The following PTK2 variants were observed in gnomAD, a reference collection of about 807,000 sequenced individuals.
PTK2 encodes the protein focal adhesion kinase 1.
In PTK2, 45 loss-of-function variants were observed where a neutral mutation model predicts 150.1. That is an observed-to-expected ratio of 0.30 (90% CI 0.24 to 0.38). The LOEUF is 0.38. Among genes scored for constraint, PTK2 ranks in the 10% least tolerant of loss-of-function variants. PTK2 has a pLI of 1.00. For missense variants in PTK2, 919 were observed against 1,307.3 expected (o/e 0.70, Z 4.58); for synonymous variants, 432 against 449.2 (o/e 0.96, Z 0.48).
chr8:140,682,684 C>A (rs2153627258), intron 27 of PTK2, among the ~76,000 whole-genome samples: 1 of 148,346 alleles, frequency 6.7e-6, no homozygotes, highest in South Asian at 2.1e-4. Context: ...AGGACCACAG[C>A]ACAATAAAAA....
At chr8:140,903,601 C>T (rs540758056) in intron 2 of PTK2, among the ~76,000 whole-genome samples, 174 of 152,228 alleles carry the variant, frequency 1.1e-3, no homozygotes, top group African/African-American at 4.0e-3. Flanking sequence ...GGCAGTATGG[C>T]CATTTTCACA....
At position 140,873,881 on chromosome 8, in the gene PTK2, G is replaced by A. The variant is rs80310056; in HGVS notation, c.362+5590C>T. Among the ~76,000 whole-genome samples the A allele has an allele frequency of 7.6e-3, 1,150 of 152,194 alleles. 11 individuals are homozygous for A. The highest frequency in any genetic ancestry group is 0.026 in the African/African-American group (1,062 of 41,508). On this transcript the variant is annotated intron_variant, in intron 4 of 31. Transcript: ENST00000522684. ...TGTACTTTCAAAATATATCTTTTGC[G>A]GAATGTCCTAATCTTAGTACAGTAG...
intron 14 of PTK2, among the ~76,000 whole-genome samples, chr8:140,782,826 A>G (rs1025112536): frequency 6.6e-5 from 10 of 152,174 alleles, no homozygotes; most frequent in African/African-American, 2.4e-4. Context: ...GAGAGTTGGA[A>G]CTGAGTCAGC....
intron 1 of PTK2, among the ~76,000 whole-genome samples, chr8:140,931,166 C>G (rs920847387): frequency 6.6e-6 from 1 of 152,098 alleles, no homozygotes; most frequent in Non-Finnish European, 1.5e-5. Flanking sequence ...ACATCACCCC[C>G]CCTTCACCCT....
At chr8:140,921,163 G>C (rs942476821) in intron 2 of PTK2, 2 of 1,192,210 alleles carry the variant, frequency 1.7e-6, no homozygotes, top group African/African-American at 1.6e-5. Context: ...GCTAGATCAA[G>C]CTACTGAACA....
intron 22 of PTK2, among the ~76,000 whole-genome samples, chr8:140,726,405 G>T (rs2100045818): frequency 6.6e-6 from 1 of 152,108 alleles, no homozygotes; most frequent in Non-Finnish European, 1.5e-5. Context: ...ATAGATTCAA[G>T]AGGCTCAGCA....
intron 8 of PTK2, among the ~76,000 whole-genome samples, chr8:140,828,098 G>A (rs1022232242): frequency 6.6e-6 from 1 of 151,846 alleles, no homozygotes; most frequent in Non-Finnish European, 1.5e-5. Context: ...ACCGGGAGGA[G>A]GAGGTTGCAG....
intron 1 of PTK2, among the ~76,000 whole-genome samples, chr8:140,978,252 G>A (rs1423173755): frequency 6.6e-6 from 1 of 152,200 alleles, no homozygotes; most frequent in Non-Finnish European, 1.5e-5. Flanking sequence ...AGCCAAAACA[G>A]ACAAATGGGA....
intron 26 of PTK2, chr8:140,686,951 T>A: frequency 2.2e-6 from 1 of 455,374 alleles, no homozygotes; most frequent in Non-Finnish European, 4.0e-6. Flanking sequence ...GAACCTGCAC[T>A]TTACCTCTAT....
chr8:140,720,417 T>TA (rs369703556), intron 22 of PTK2, among the ~76,000 whole-genome samples: 3,957 of 148,042 alleles, frequency 0.027, 161 homozygotes, highest in African/African-American at 0.09. Flanking sequence ...CATTAGTGGT[T>TA]AAAAAAAAAA....
intron 23 of PTK2, among the ~76,000 whole-genome samples, chr8:140,712,377 G>C (rs759961915): frequency 1.3e-5 from 2 of 152,156 alleles, no homozygotes; most frequent in Non-Finnish European, 2.9e-5. Context: ...GGGAAAAAAA[G>C]TAAACTCATA....
intron 7 of PTK2, chr8:140,832,827 G>T (rs1044623243): frequency 1.9e-6 from 1 of 518,704 alleles, no homozygotes; most frequent in African/African-American, 1.9e-5. Flanking sequence ...TGGGCAAGGT[G>T]TACGTGCACG....
intron 2 of PTK2, 59 bp from the exon 3 acceptor site, chr8:140,890,828 G>T: frequency 7.2e-7 from 1 of 1,391,424 alleles, no homozygotes; most frequent in Non-Finnish European, 1.0e-6. Context: ...CAATTACAAT[G>T]TGATATGTTG....
intron 10 of PTK2, among the ~76,000 whole-genome samples, chr8:140,810,261 G>A (rs1160361163): frequency 6.6e-6 from 1 of 152,252 alleles, no homozygotes; most frequent in Non-Finnish European, 1.5e-5. Flanking sequence ...TGGTGCAGGA[G>A]CGTCTGTAGT....
intron 24 of PTK2, among the ~76,000 whole-genome samples, chr8:140,703,305 A>T (rs2100031824): frequency 2.0e-5 from 3 of 152,118 alleles, no homozygotes; most frequent in Non-Finnish European, 1.5e-5. Context: ...CAGAACATGG[A>T]GTAAGGGGAC....
intron 18 of PTK2, 139 bp from the exon 22 acceptor site, chr8:140,744,906 T>A: frequency 2.2e-6 from 1 of 460,922 alleles, no homozygotes; most frequent in Non-Finnish European, 3.9e-6. Context: ...GCTTCAAGTC[T>A]CTTCTAATAA....
At chr8:140,657,960 GGAGTCT>G (rs1287678435) in exon 32 of PTK2, 1 of 152,178 alleles carries the variant, frequency 6.6e-6, no homozygotes, top group Non-Finnish European at 1.5e-5. Context: ...CCCTCCCTTT[GGAGTCT>G]GAGTCCCTAG....
Position 140,700,890 on chromosome 8 carries a change from C to T in PTK2, c.2499+1G>A, listed in dbSNP as rs768723418. ...AAGAAGCCTTTCAGAAACACAATTA[C>T]CAGAAATCTTTCCTCTTTTTCCAGC... On this transcript the variant is annotated splice_donor_variant, in intron 26 of 31. Transcript: ENST00000522684. LOFTEE classifies it high-confidence loss of function. 7 of 1,613,772 alleles carry T rather than the reference C, an allele frequency of 4.3e-6. No individual in the cohort carries two copies. The South Asian group carries it at 7.7e-5, about 18-fold the overall frequency.
chr8:140,946,091 G>A (rs1211361045), intron 1 of PTK2, among the ~76,000 whole-genome samples: 2 of 152,156 alleles, frequency 1.3e-5, no homozygotes, highest in Non-Finnish European at 2.9e-5. Context: ...AAAGCTCCAG[G>A]AGGGGTGTGT....
Sources: gnomAD v4.1 joint callset for allele counts (sites outside exome capture counted in the v4.1 genomes callset) on GRCh38, gnomAD v4.1.1 for gene constraint, MANE v1.5 for transcripts, NCBI Gene and HGNC (gene_info 2026-07-23, HGNC 2026-07-21) for gene names.